Variants in TRAPPC4 observed in about 807,000 individuals in gnomAD.
TRAPPC4 encodes the protein TRS23 homolog.
In TRAPPC4, 30 loss-of-function variants were observed where a neutral mutation model predicts 23.5. The ratio of observed to expected loss-of-function variants is 1.28; its 90% confidence interval spans 0.96 to 1.73. The LOEUF (loss-of-function observed/expected upper bound fraction) is 1.73. TRAPPC4 is among the 40% of genes most tolerant of loss of function. TRAPPC4 has a pLI of 0.00. For missense variants in TRAPPC4, 252 were observed against 268.9 expected (o/e 0.94, Z 0.44); for synonymous variants, 129 against 105.3 (o/e 1.23, Z -1.38).
intron 4 of TRAPPC4, among the ~76,000 whole-genome samples, chr11:119,022,175 G>A (rs1943379214): frequency 6.6e-6 from 1 of 152,166 alleles, no homozygotes; most frequent in Non-Finnish European, 1.5e-5. Context: ...GTAAAGACAA[G>A]GTTTCACCAT....
At chr11:119,021,324 C>T (rs908496065) in intron 3 of TRAPPC4, 5 of 158,094 alleles carry the variant, frequency 3.2e-5, no homozygotes, top group African/African-American at 1.2e-4. Context: ...TAAAACTCAC[C>T]TTAATGCTAT....
At chr11:119,020,336 C>A in intron 3 of TRAPPC4, 83 bp downstream of exon 3, 1 of 1,156,962 alleles carries the variant, frequency 8.6e-7, no homozygotes, top group Non-Finnish European at 1.3e-6. Flanking sequence ...CCAGGTGGGC[C>A]AGAGGAGTGT....
chr11:119,019,077 G>A lies in TRAPPC4; in HGVS notation c.176-66G>A, dbSNP rs1026438870. 5 of 1,592,676 alleles carry A rather than the reference G, an allele frequency of 3.1e-6. No homozygotes were observed. The African/African-American group carries it at 6.7e-5, about 21-fold the overall frequency. ...GTTGGGGGAAAAGGGGTTGTGTCGG[G>A]TCCCTTGTCCCCTCGGCGGAATCCC... On this transcript the variant is annotated intron_variant, in intron 1 of 4. Coordinates refer to ENST00000533632, the MANE Select transcript of TRAPPC4 (RefSeq NM_016146.6).
At chr11:119,021,594 T>A (rs2134609237) in intron 3 of TRAPPC4, 166 bp from the exon 4 acceptor site, 2 of 690,456 alleles carry the variant, frequency 2.9e-6, no homozygotes, top group Middle Eastern at 8.5e-4. Flanking sequence ...TCTGGTCTCA[T>A]CGGTAGATTC....
chr11:119,023,158 T>G (rs1445381331), intron 4 of TRAPPC4, 163 bp from the exon 5 acceptor site: 2 of 592,324 alleles, frequency 3.4e-6, no homozygotes, highest in Non-Finnish European at 6.1e-6. Flanking sequence ...AGAGACAGGG[T>G]TTCACCATAT....
chr11:119,023,385 G>A lies in TRAPPC4; in HGVS notation c.646G>A (p.Gly216Arg). The A allele has an allele frequency of 6.2e-7, 1 of 1,614,014 alleles. No individual in the cohort carries two copies. The highest frequency in any genetic ancestry group is 8.5e-7 in the Non-Finnish European group (1 of 1,179,948). Residue 216 changes from glycine to arginine, a missense_variant, in exon 5 of 5, where the codon GGA becomes AGA. By Grantham distance (125) the Gly-to-Arg change is moderately radical (BLOSUM62 -2). Around this residue, in one of 3 missense-constraint regions of TRAPPC4, gnomAD observed 21 missense variants for 24.8 expected, o/e 0.85. Transcript: ENST00000533632. ...LEVAEKAGTFGPGS is the reference protein window; with the variant it reads ...LEVAEKAGTFRPGS The stretch of plus-strand genomic sequence containing the variant: ...GGTGGCAGAGAAGGCTGGAACTTTT[G>A]GACCTGGGTCATAGGCTGAACCTGT...
intron 3 of TRAPPC4, chr11:119,021,559 T>G: frequency 2.0e-6 from 1 of 509,738 alleles, no homozygotes; most frequent in South Asian, 2.5e-5. Flanking sequence ...ATCAGGTGGG[T>G]GACATAACAA....
chr11:119,023,184 C>CA (rs1943439668), intron 4 of TRAPPC4, 137 bp from the exon 5 acceptor site: 2 of 758,868 alleles, frequency 2.6e-6, no homozygotes, highest in Admixed American at 2.2e-5. Flanking sequence ...AGGCTAGTCT[C>CA]AAAGTCCTGA....
chr11:119,020,965 T>TGA (rs1303764405), intron 3 of TRAPPC4: 1 of 152,130 alleles, frequency 6.6e-6, no homozygotes, highest in Non-Finnish European at 1.5e-5. Context: ...GTTGGCTCAC[T>TGA]GCAGCCACCA....
intron 3 of TRAPPC4, 175 bp downstream of exon 3, chr11:119,020,428 T>G: frequency 2.3e-6 from 1 of 436,806 alleles, no homozygotes; most frequent in South Asian, 2.6e-5. Flanking sequence ...CTGGCACAAT[T>G]CTTTTTTTTT....
chr11:119,023,305 C>T lies in TRAPPC4; in HGVS notation c.582-16C>T. On this transcript the variant is annotated splice_polypyrimidine_tract_variant and intron_variant, in intron 4 of 4. Transcript: ENST00000533632. ...CAGGCCTCACACTTTTTTTCCTCAC[C>T]CTGGGCCCGGCTTAGGTGTGAGCTC... 2 of 1,613,250 alleles carry T rather than the reference C, an allele frequency of 1.2e-6. No homozygotes were observed. The highest frequency in any genetic ancestry group is 1.7e-6 in the Non-Finnish European group (2 of 1,179,628).
At chr11:119,022,425 A>C (rs986096791) in intron 4 of TRAPPC4, among the ~76,000 whole-genome samples, 1 of 146,852 alleles carries the variant, frequency 6.8e-6, no homozygotes, top group African/African-American at 2.5e-5. Flanking sequence ...CCATCTTTAC[A>C]AAAAAAAAAA....
At position 119,023,416 on chromosome 11, in the gene TRAPPC4, AC is replaced by A. The variant is rs781884250; in HGVS notation, c.*22del. 4 of 1,612,456 alleles carry A rather than the reference AC, an allele frequency of 2.5e-6. No homozygotes were observed. The African/African-American group carries it at 4.0e-5, about 16-fold the overall frequency. ...GGGTCATAGGCTGAACCTGTTATGG[AC>A]CCCCAAATTCTGAGAGTTCCTGCAA... On this transcript the variant is annotated 3_prime_UTR_variant, in exon 5 of 5. Coordinates refer to ENST00000533632, the MANE Select transcript of TRAPPC4 (RefSeq NM_016146.6).
rs1180016693 is a variant in TRAPPC4 at position 119,020,397 on chromosome 11, AG to A, written c.454+145del. On this transcript the variant is annotated intron_variant, in intron 3 of 4. Coordinates refer to ENST00000533632, the MANE Select transcript of TRAPPC4 (RefSeq NM_016146.6). Reference sequence around the variant, plus strand: ...TGACCAAAGACACCTTTGGTAAGCAAGAAGAGGGGGTGTGCTTTTCCTGGCA... The same window carrying A: ...TGACCAAAGACACCTTTGGTAAGCAAAAGAGGGGGTGTGCTTTTCCTGGCA... The A allele has an allele frequency of 3.0e-5, 19 of 625,792 alleles. No individual in the cohort carries two copies. In the Admixed American group the frequency reaches 4.8e-4, roughly 16 times the overall value. The allele number at this position is 625,792 out of a possible 1,614,324, so 38.8% of individuals were successfully genotyped here. A position where few individuals can be genotyped will look rare whatever the true frequency, so the allele number is the denominator to read the frequency against.
chr11:119,020,963 A>G (rs1943342255), intron 3 of TRAPPC4: 1 of 151,936 alleles, frequency 6.6e-6, no homozygotes, highest in Non-Finnish European at 1.5e-5. Context: ...ATGTTGGCTC[A>G]CTGCAGCCAC....
intron 3 of TRAPPC4, chr11:119,021,483 T>C (rs901642981): frequency 2.4e-5 from 7 of 286,976 alleles, no homozygotes; most frequent in African/African-American, 4.4e-5. Context: ...TGCCTGGCAA[T>C]GTTTCTGCTG....
In TRAPPC4 at chr11:119,018,784, G is replaced by T. The variant is rs972187428; in HGVS notation, c.-12G>T. Reference sequence around the variant, plus strand: ...AGAGGCTGAATACCAGTTTCCGAGCGGCAAGGCAGCGATGGCGATTTTTAG... The same window carrying T: ...AGAGGCTGAATACCAGTTTCCGAGCTGCAAGGCAGCGATGGCGATTTTTAG... On this transcript the variant is annotated 5_prime_UTR_variant, in exon 1 of 5. Coordinates refer to ENST00000533632, the MANE Select transcript of TRAPPC4 (RefSeq NM_016146.6). 1.9e-6 allele frequency: 3 copies of T among 1,610,414 alleles called. No homozygotes were observed. The highest frequency in any genetic ancestry group is 2.5e-6 in the Non-Finnish European group (3 of 1,177,026).
chr11:119,022,910 GT>G (rs542644724), intron 4 of TRAPPC4: 1 of 141,862 alleles, frequency 7.0e-6, no homozygotes, highest in South Asian at 2.1e-4. Flanking sequence ...TTTCCTTGGT[GT>G]TTATGTCATT....
Position 119,023,387 on chromosome 11 carries a change from A to C in TRAPPC4, c.648A>C (p.Gly216=). The change falls in exon 5 of 5, where the codon GGA becomes GGC. Residue 216 remains glycine, a synonymous_variant. Coordinates refer to ENST00000533632, the MANE Select transcript of TRAPPC4 (RefSeq NM_016146.6). ...TGGCAGAGAAGGCTGGAACTTTTGG[A>C]CCTGGGTCATAGGCTGAACCTGTTA... The part of the protein sequence containing the change: ...LEVAEKAGTF[G]PGS 2 of 1,613,994 alleles carry C rather than the reference A, an allele frequency of 1.2e-6. No homozygotes were observed. Among genetic ancestry groups the C allele is most frequent in the Non-Finnish European group, 1.7e-6 (2 of 1,179,948 alleles).
Sources: allele counts gnomAD v4.1 joint callset (sites outside exome capture counted in the v4.1 genomes callset), GRCh38; gene constraint gnomAD v4.1.1; regional missense constraint gnomAD v4.1.1; transcripts MANE v1.5; gene names NCBI Gene and HGNC (gene_info 2026-07-23, HGNC 2026-07-21).